FAM3C: variants seen among roughly 807,000 people sequenced by gnomAD.
The protein encoded by FAM3C is protein FAM3C.
A neutral mutation model predicts 32.5 loss-of-function variants in FAM3C; 15 were observed. The ratio of observed to expected loss-of-function variants is 0.46; its 90% confidence interval spans 0.31 to 0.71. The LOEUF is 0.71. FAM3C is among the 30% of genes least tolerant of loss of function. FAM3C has a pLI of 0.05. For synonymous variants in FAM3C, 75 were observed against 86.1 expected (o/e 0.87, Z 0.72); for missense variants, 175 against 274.4 (o/e 0.64, Z 2.56).
At chr7:121,351,497 G>A (rs1793705140) in intron 8 of FAM3C, 1 of 422,022 alleles carries the variant, frequency 2.4e-6, no homozygotes, top group African/African-American at 2.0e-5. Context: ...AAAAGGACCT[G>A]TTAGGTTTTT....
At chr7:121,377,262 C>G (rs527311462) in intron 3 of FAM3C, among the ~76,000 whole-genome samples, 1 of 152,220 alleles carries the variant, frequency 6.6e-6, no homozygotes, top group East Asian at 1.9e-4. Flanking sequence ...CCCAGCCCTG[C>G]AGAACTGTCA....
chr7:121,369,736 A>G (rs1280543297), intron 5 of FAM3C, among the ~76,000 whole-genome samples: 4 of 152,204 alleles, frequency 2.6e-5, no homozygotes, highest in African/African-American at 7.2e-5. Flanking sequence ...GTGTACTCTG[A>G]GAACCAAAGG....
intron 7 of FAM3C, among the ~76,000 whole-genome samples, chr7:121,362,436 A>G (rs1368263169): frequency 6.6e-6 from 1 of 152,228 alleles, no homozygotes; most frequent in Non-Finnish European, 1.5e-5. Flanking sequence ...CTGATAGTTT[A>G]TCTTGTCTTT....
intron 8 of FAM3C, among the ~76,000 whole-genome samples, chr7:121,355,449 G>T (rs1793787254): frequency 6.6e-6 from 1 of 152,140 alleles, no homozygotes; most frequent in Non-Finnish European, 1.5e-5. Flanking sequence ...CAAAATCCTT[G>T]AAGGGATGAC....
Position 121,350,335 on chromosome 7 carries a change from G to A in FAM3C, c.*126C>T. 1 of 879,070 alleles carries A rather than the reference G, an allele frequency of 1.1e-6. No individual in the cohort carries two copies. Among genetic ancestry groups the A allele is most frequent in the Non-Finnish European group, 1.8e-6 (1 of 560,480 alleles). 54.5% of individuals were successfully genotyped at this position (879,070 alleles called of 1,614,324 possible). A position where few individuals can be genotyped will look rare whatever the true frequency, so the allele number is the denominator to read the frequency against. On this transcript the variant is annotated 3_prime_UTR_variant, in exon 10 of 10. Coordinates refer to ENST00000359943, the MANE Select transcript of FAM3C (RefSeq NM_014888.3). ...GCAATAAATAATCCTGATATCAAAA[G>A]AGACAATACTCATGCACACACCAAG...
chr7:121,369,056 T>C (rs1252327264), intron 5 of FAM3C, among the ~76,000 whole-genome samples: 1 of 145,954 alleles, frequency 6.9e-6, no homozygotes, highest in Non-Finnish European at 1.5e-5. Context: ...CTTGGCCCAC[T>C]GCAACCTCCA....
rs1793978340 is a variant in FAM3C at position 121,364,168 on chromosome 7, T to C, written c.293A>G (p.Asn98Ser). 1 of 1,598,126 alleles carries C rather than the reference T, an allele frequency of 6.3e-7. No homozygotes were observed. The highest frequency in any genetic ancestry group is 1.1e-5 in the South Asian group (1 of 90,654). The part of the protein sequence containing the change: ...EDNVLMSGVK[N>S]NVGRGINVAL... Reference sequence around the variant, plus strand: ...AACATTGATCCCTCTTCCAACATTATTCTTAACACCACTCATTAAACTGAA... The same window carrying C: ...AACATTGATCCCTCTTCCAACATTACTCTTAACACCACTCATTAAACTGAA... The change falls in exon 6 of 10, where the codon AAT (asparagine) becomes AGT (serine). Residue 98 changes from asparagine (N) to serine (S), a missense_variant. Physicochemically the swap from Asn to Ser is conservative, Grantham distance 46. Transcript: ENST00000359943.
Position 121,393,035 on chromosome 7 carries a change from C to T in FAM3C, c.-42+3127G>A, listed in dbSNP as rs573641783. 1.3e-4 allele frequency among the ~76,000 whole-genome samples: 20 copies of T among 152,074 alleles called. No individual in the cohort carries two copies. In the Middle Eastern group the frequency reaches 0.014, roughly 103 times the overall value. On this transcript the variant is annotated intron_variant, in intron 1 of 9. Transcript: ENST00000359943. The stretch of plus-strand genomic sequence containing the variant: ...GGGCAGAAAGCAGATCAGTGGTTGC[C>T]GAGGATTGGCAGGGAGAAGGGAATG...
At position 121,378,849 on chromosome 7, in the gene FAM3C, C is replaced by T. The variant is rs2116936726; in HGVS notation, c.118+61G>A. ...GCACTGAGTGACTCAGTGCTGATAA[C>T]TGATAAAACTTTAGGCCACATCAAA... is the stretch of plus-strand genomic sequence containing the variant. On this transcript the variant is annotated intron_variant, in intron 3 of 9. Coordinates refer to ENST00000359943, the MANE Select transcript of FAM3C (RefSeq NM_014888.3). The T allele has an allele frequency of 3.7e-6, 3 of 814,402 alleles. No homozygotes were observed. The East Asian group carries it at 7.9e-5, about 22-fold the overall frequency. 50.4% of individuals were successfully genotyped at this position (814,402 alleles called of 1,614,324 possible).
In FAM3C at chr7:121,358,582, T is replaced by C. The variant is rs983882424; in HGVS notation, c.467+1461A>G. Among the ~76,000 whole-genome samples the C allele has an allele frequency of 6.6e-5, 10 of 152,032 alleles. No individual in the cohort carries two copies. The East Asian group carries it at 1.9e-3, about 29-fold the overall frequency. ...TTGGAACAGAGATAAACAGGTCAAG[T>C]GAATGGAACAGAACAGAAATTCCAG... On this transcript the variant is annotated intron_variant, in intron 8 of 9. Transcript: ENST00000359943.
chr7:121,364,119 A>T lies in FAM3C; in HGVS notation c.331+11T>A. On this transcript the variant is annotated intron_variant, in intron 6 of 9. Coordinates refer to ENST00000359943, the MANE Select transcript of FAM3C (RefSeq NM_014888.3). ...ATGATTACATCCATAAGCTAAAATAATTGTTCTTACCATTTGCCAAGGCAA... is the reference window on the plus strand; with the variant it reads ...ATGATTACATCCATAAGCTAAAATATTTGTTCTTACCATTTGCCAAGGCAA... 6.4e-7 allele frequency: 1 copy of T among 1,565,904 alleles called. No homozygotes were observed. Among genetic ancestry groups the T allele is most frequent in the Non-Finnish European group, 8.8e-7 (1 of 1,136,558 alleles).
At chr7:121,388,235 A>C (rs1056281796) in intron 1 of FAM3C, among the ~76,000 whole-genome samples, 1 of 147,822 alleles carries the variant, frequency 6.8e-6, no homozygotes, top group Non-Finnish European at 1.5e-5. Flanking sequence ...CCACCATTTT[A>C]ACACACACAC....
Position 121,396,289 on chromosome 7 carries a change from T to G in FAM3C, c.-169A>C, listed in dbSNP as rs1289062852. 2.0e-5 allele frequency: 3 copies of G among 152,292 alleles called. No individual in the cohort carries two copies. The highest frequency in any genetic ancestry group is 1.3e-4 in the Admixed American group (2 of 15,286). 9.4% of individuals were successfully genotyped at this position (152,292 alleles called of 1,614,324 possible). A position where few individuals can be genotyped will look rare whatever the true frequency, so the allele number is the denominator to read the frequency against. Reference sequence around the variant, plus strand: ...CCGCTTCCTCTCGGACTCCTCCGGCTGCCCCTCACCCCGGCAAGTGGCCAG... The same window carrying G: ...CCGCTTCCTCTCGGACTCCTCCGGCGGCCCCTCACCCCGGCAAGTGGCCAG... On this transcript the variant is annotated 5_prime_UTR_variant, in exon 1 of 10. Transcript: ENST00000359943.
intron 9 of FAM3C, 141 bp downstream of exon 9, chr7:121,351,002 T>A: frequency 1.2e-6 from 1 of 819,082 alleles, no homozygotes; most frequent in East Asian, 2.6e-5. Flanking sequence ...TTCAAATAAC[T>A]GATTACCAAG....
chr7:121,387,894 C>G (rs1472558515), intron 1 of FAM3C, among the ~76,000 whole-genome samples: 1 of 152,006 alleles, frequency 6.6e-6, no homozygotes, highest in Non-Finnish European at 1.5e-5. Flanking sequence ...TCTTTAATAA[C>G]AAGTTATTAC....
At chr7:121,394,620 T>G (rs1794647404) in intron 1 of FAM3C, among the ~76,000 whole-genome samples, 1 of 152,172 alleles carries the variant, frequency 6.6e-6, no homozygotes, top group Non-Finnish European at 1.5e-5. Context: ...TTTCTTCCTA[T>G]GAAGAAATGC....
At chr7:121,388,962 T>C (rs1208829211) in intron 1 of FAM3C, among the ~76,000 whole-genome samples, 1 of 152,138 alleles carries the variant, frequency 6.6e-6, no homozygotes, top group Non-Finnish European at 1.5e-5. Context: ...TGACAGTGAA[T>C]GGAGAAAAAC....
At chr7:121,382,055 A>G (rs1318829535) in intron 2 of FAM3C, among the ~76,000 whole-genome samples, 1 of 152,126 alleles carries the variant, frequency 6.6e-6, no homozygotes, top group African/African-American at 2.4e-5. Context: ...CTTGATTTTG[A>G]GAAATTACAA....
At chr7:121,378,764 CT>C (rs1366882026) in intron 3 of FAM3C, 145 bp downstream of exon 3, 3 of 429,118 alleles carry the variant, frequency 7.0e-6, no homozygotes, top group African/African-American at 2.1e-5. Flanking sequence ...TAATTATATA[CT>C]GTAAAATATT....
Sources: gnomAD v4.1 joint callset for allele counts (sites outside exome capture counted in the v4.1 genomes callset) on GRCh38, gnomAD v4.1.1 for gene constraint, MANE v1.5 for transcripts, NCBI Gene and HGNC (gene_info 2026-07-23, HGNC 2026-07-21) for gene names.